Variants in SEPTIN9 observed in about 807,000 individuals in gnomAD.
SEPTIN9 encodes the protein septin-9.
A neutral mutation model predicts 56.6 loss-of-function variants in SEPTIN9; 13 were observed. The ratio of observed to expected loss-of-function variants is 0.23; its 90% CI spans 0.15 to 0.37. SEPTIN9 has a LOEUF of 0.37. Among genes scored for constraint, SEPTIN9 ranks in the 10% least tolerant of loss-of-function variants. The pLI, the probability that SEPTIN9 is intolerant of heterozygous loss-of-function variation, is 1.00. For missense variants in SEPTIN9, 650 were observed against 823.1 expected (o/e 0.79, Z 2.57); for synonymous variants, 332 against 334.1 (o/e 0.99, Z 0.07).
intron 2 of SEPTIN9, among the ~76,000 whole-genome samples, chr17:77,337,735 A>G (rs991492789): frequency 6.6e-6 from 1 of 152,164 alleles, no homozygotes; most frequent in Non-Finnish European, 1.5e-5. Context: ...ACTTTTGGTA[A>G]GTTGTACTTT....
At chr17:77,439,731 G>T (rs907177383) in intron 3 of SEPTIN9, among the ~76,000 whole-genome samples, 1 of 152,216 alleles carries the variant, frequency 6.6e-6, no homozygotes, top group Non-Finnish European at 1.5e-5. Flanking sequence ...AGGCTCGTGA[G>T]TTGCTCCCCT....
intron 3 of SEPTIN9, among the ~76,000 whole-genome samples, chr17:77,432,045 T>G (rs1041771413): frequency 6.6e-6 from 1 of 150,694 alleles, no homozygotes; most frequent in Admixed American, 6.6e-5. Flanking sequence ...CAGCTGGGGG[T>G]GGGGGGCAGC....
At chr17:77,391,392 T>C (rs2144036783) in intron 2 of SEPTIN9, among the ~76,000 whole-genome samples, 1 of 152,312 alleles carries the variant, frequency 6.6e-6, no homozygotes, top group South Asian at 2.1e-4. Context: ...TTCCTTGGCC[T>C]GCAGACGCAT....
rs760271976 is a variant in SEPTIN9, at chr17:77,437,729, G to A, written c.721+35026G>A. Among the ~76,000 whole-genome samples the A allele has an allele frequency of 2.0e-5, 3 of 152,262 alleles. No homozygotes were observed. The highest frequency in any genetic ancestry group is 4.1e-4 in the South Asian group (2 of 4,822). ...CCAAGTGAACCCCAGTAGTGGCCTG[G>A]GAGAATCATCTGTCACGAGCCAAGG... is the stretch of plus-strand genomic sequence containing the variant. On this transcript the variant is annotated intron_variant, in intron 3 of 11. Coordinates refer to ENST00000427177, the MANE Select transcript of SEPTIN9 (RefSeq NM_001113491.2). The surrounding 1 kb of genome is among the most constrained non-coding windows in gnomAD (Gnocchi z 5.3).
At chr17:77,444,022 G>C (rs1471031103) in intron 3 of SEPTIN9, among the ~76,000 whole-genome samples, 2 of 152,206 alleles carry the variant, frequency 1.3e-5, no homozygotes, top group East Asian at 3.9e-4. Flanking sequence ...GTCTGACTCT[G>C]GGGGTGGGGG....
chr17:77,415,216 G>A (rs151117732), intron 3 of SEPTIN9, among the ~76,000 whole-genome samples: 4 of 152,284 alleles, frequency 2.6e-5, no homozygotes, highest in Admixed American at 6.5e-5. Flanking sequence ...CGGCTGGAGC[G>A]GCCCTGGGTT....
At chr17:77,314,577 G>A (rs1378794342) in intron 2 of SEPTIN9, among the ~76,000 whole-genome samples, 2 of 152,100 alleles carry the variant, frequency 1.3e-5, no homozygotes, top group African/African-American at 4.8e-5. Context: ...GTTAGGTGAG[G>A]GGACATGGAA....
At position 77,475,488 on chromosome 17, in the gene SEPTIN9, T is replaced by G; in HGVS notation, c.722-6656T>G. 6.3e-7 allele frequency: 1 copy of G among 1,596,942 alleles called. No individual in the cohort carries two copies. Among genetic ancestry groups the G allele is most frequent in the South Asian group, 1.1e-5 (1 of 89,548 alleles). On this transcript the variant is annotated intron_variant, in intron 3 of 11. Coordinates refer to ENST00000427177, the MANE Select transcript of SEPTIN9 (RefSeq NM_001113491.2). This position sits in a 1 kb window ranked among gnomAD's most constrained non-coding sequence, Gnocchi z 4.6. ...GCCCCTTTGTGGGGGACAGGGAGCATCTGTTAGTTTATAGGACCTGAAGTG... is the reference window on the plus strand; with the variant it reads ...GCCCCTTTGTGGGGGACAGGGAGCAGCTGTTAGTTTATAGGACCTGAAGTG...
intron 1 of SEPTIN9, among the ~76,000 whole-genome samples, chr17:77,302,511 C>G (rs565167146): frequency 6.6e-6 from 1 of 151,748 alleles, no homozygotes; most frequent in Admixed American, 6.6e-5. Context: ...AACCCCATCT[C>G]TACTAAAAAT....
chr17:77,411,734 T>G (rs1369757258), intron 3 of SEPTIN9, among the ~76,000 whole-genome samples: 1 of 152,174 alleles, frequency 6.6e-6, no homozygotes. Flanking sequence ...AGCTTCCCAC[T>G]GTGATTGAGA....
chr17:77,363,635 A>T (rs2034487784), intron 2 of SEPTIN9, among the ~76,000 whole-genome samples: 1 of 151,648 alleles, frequency 6.6e-6, no homozygotes, highest in African/African-American at 2.4e-5. Context: ...TGATCCGCCC[A>T]CCTTGGCCTC....
At chr17:77,302,401 C>T (rs912275508) in intron 1 of SEPTIN9, among the ~76,000 whole-genome samples, 11 of 151,730 alleles carry the variant, frequency 7.2e-5, no homozygotes, top group Admixed American at 4.6e-4. Flanking sequence ...AGCCCCTGGC[C>T]GGGCGTGGTG....
intron 2 of SEPTIN9, among the ~76,000 whole-genome samples, chr17:77,337,069 G>A (rs1265494337): frequency 4.8e-5 from 7 of 145,014 alleles, no homozygotes; most frequent in South Asian, 2.3e-4. Flanking sequence ...TGGTGCCATC[G>A]TAGCTCACTG....
chr17:77,373,336 C>T (rs1055815416), intron 2 of SEPTIN9: 4 of 1,176,910 alleles, frequency 3.4e-6, no homozygotes, highest in Admixed American at 4.6e-5. Flanking sequence ...CTTCCTCCCC[C>T]ATTCATTCAG....
In SEPTIN9 at chr17:77,433,900, C is replaced by T. The variant is rs989753736; in HGVS notation, c.721+31197C>T. ...ATGGTCCTAATTAGGACCTTCCGCC[C>T]GTTGGTGGATGGGCAGAGAGGGGAG... On this transcript the variant is annotated intron_variant, in intron 3 of 11. Coordinates refer to ENST00000427177, the MANE Select transcript of SEPTIN9 (RefSeq NM_001113491.2). The surrounding 1 kb of genome is among the most constrained non-coding windows in gnomAD (Gnocchi z 6.4). 5.3e-5 allele frequency among the ~76,000 whole-genome samples: 8 copies of T among 152,162 alleles called. No individual in the cohort carries two copies. The highest frequency in any genetic ancestry group is 1.2e-4 in the Non-Finnish European group (8 of 68,036).
rs397481 is a variant in SEPTIN9, at chr17:77,425,987, T to A, written c.721+23284T>A. 0.16 allele frequency among the ~76,000 whole-genome samples: 24,270 copies of A among 152,102 alleles called. 5,258 individuals are homozygous for A. The highest frequency in any genetic ancestry group is 0.48 in the African/African-American group (20,094 of 41,458). On this transcript the variant is annotated intron_variant, in intron 3 of 11. Coordinates refer to ENST00000427177, the MANE Select transcript of SEPTIN9 (RefSeq NM_001113491.2). This position sits in a 1 kb window ranked among gnomAD's most constrained non-coding sequence, Gnocchi z 4.2. ...GTGAGTTCAGGCCATGCCCTCAGAC[T>A]GGAGGATAGGATCGGAACAGTGGGT...
In SEPTIN9 at chr17:77,402,541, A is replaced by G. The variant is rs1257707250; in HGVS notation, c.559A>G (p.Arg187Gly). 3.7e-6 allele frequency: 6 copies of G among 1,608,478 alleles called. No homozygotes were observed. In the African/African-American group the frequency reaches 8.0e-5, roughly 22 times the overall value. ...CCCTGCCACCGACGCAGCCCCCAAG[A>G]GGGTGGAGATCCAGATGCCCAAGCC... Reference protein sequence around the residue: ...TAPATDAAPKRVEIQMPKPAE... With the variant: ...TAPATDAAPKGVEIQMPKPAE... The change falls in exon 3 of 12, where the codon AGG becomes GGG. Residue 187 changes from arginine (R) to glycine (G), a missense_variant. Arg to Gly is a moderately radical substitution (Grantham distance 125, BLOSUM62 -2). This residue lies in a region of SEPTIN9 where 317 missense variants were observed against 329.1 expected (regional missense o/e 0.96). Transcript: ENST00000427177. The surrounding 1 kb of genome is among the most constrained non-coding windows in gnomAD (Gnocchi z 6.6).
At position 77,323,999 on chromosome 17, in the gene SEPTIN9, T is replaced by C. The variant is rs527953562; in HGVS notation, c.76+16802T>C. On this transcript the variant is annotated intron_variant, in intron 2 of 11. Transcript: ENST00000427177. The surrounding 1 kb of genome is among the most constrained non-coding windows in gnomAD (Gnocchi z 6.8). ...TCCGAAATCACGGCATCAGCAGGCC[T>C]GGTTCTTTCCGGAGGCTCCGAGGGG... 6.6e-6 allele frequency among the ~76,000 whole-genome samples: 1 copy of C among 152,362 alleles called. No homozygotes were observed. Among genetic ancestry groups the C allele is most frequent in the Admixed American group, 6.5e-5 (1 of 15,312 alleles).
chr17:77,409,221 C>T (rs950308154), intron 3 of SEPTIN9, among the ~76,000 whole-genome samples: 10 of 152,264 alleles, frequency 6.6e-5, no homozygotes, highest in Admixed American at 1.3e-4. Flanking sequence ...CCTCCTTCTC[C>T]GAACTGTCCC....
Sources: allele counts gnomAD v4.1 joint callset (sites outside exome capture counted in the v4.1 genomes callset), GRCh38; gene constraint gnomAD v4.1.1; regional missense constraint gnomAD v4.1.1; non-coding constraint Gnocchi (gnomAD v3.1); transcripts MANE v1.5; gene names NCBI Gene and HGNC (gene_info 2026-07-23, HGNC 2026-07-21).